OGDH: variants seen among roughly 807,000 people sequenced by gnomAD.
OGDH encodes the protein 2-oxoglutarate dehydrogenase complex component E1.
In OGDH, 38 loss-of-function variants were observed where a neutral mutation model predicts 116.6. The observed-to-expected ratio is 0.33, with a 90% confidence interval of 0.25 to 0.43. The LOEUF is 0.43. Ranked by LOEUF, OGDH falls within the 20% of genes least tolerant of loss-of-function variation. The probability of loss-of-function intolerance (pLI) is 1.00; values close to 1 mark genes in which losing one functional copy is unlikely to be tolerated. For synonymous variants in OGDH, 488 were observed against 533.3 expected (o/e 0.92, Z 1.17); for missense variants, 825 against 1,357.2 (o/e 0.61, Z 6.16).
At chr7:44,611,182 C>G (rs971571280) in intron 1 of OGDH, among the ~76,000 whole-genome samples, 3 of 151,080 alleles carry the variant, frequency 2.0e-5, no homozygotes, top group Admixed American at 2.0e-4. Context: ...CTCAGGTGAT[C>G]CGGTGATCCT....
chr7:44,697,234 G>A lies in OGDH; in HGVS notation c.2052-136G>A. 1 of 1,458,106 alleles carries A rather than the reference G, an allele frequency of 6.9e-7. No homozygotes were observed. The highest frequency in any genetic ancestry group is 9.4e-7 in the Non-Finnish European group (1 of 1,068,788). 90.3% of individuals were successfully genotyped at this position (1,458,106 alleles called of 1,614,324 possible). A position where few individuals can be genotyped will look rare whatever the true frequency, so the allele number is the denominator to read the frequency against. ...TGGGTGCTTCTGTTAAGACCTGGGT[G>A]GGGCCGACCCTGCAGCTGCCTGGCC... On this transcript the variant is annotated intron_variant, in intron 15 of 22. Transcript: ENST00000222673. The surrounding 1 kb of genome is among the most constrained non-coding windows in gnomAD (Gnocchi z 6.0).
At chr7:44,676,213 C>T (rs772781641) in intron 9 of OGDH, 64 bp downstream of exon 9, 29 of 1,613,434 alleles carry the variant, frequency 1.8e-5, no homozygotes, top group South Asian at 6.6e-5. Flanking sequence ...CATGGAGTTC[C>T]GCTCACCAAC....
chr7:44,702,363 G>A (rs1788871390), intron 20 of OGDH, among the ~76,000 whole-genome samples: 1 of 152,148 alleles, frequency 6.6e-6, no homozygotes, highest in African/African-American at 2.4e-5. Flanking sequence ...GTCCTGCCAA[G>A]TCACATGCCA....
At chr7:44,674,650 C>G in intron 7 of OGDH, 93 bp downstream of exon 7, 1 of 1,403,624 alleles carries the variant, frequency 7.1e-7, no homozygotes, top group Non-Finnish European at 9.9e-7. Flanking sequence ...GCAGCTGTTT[C>G]CTCCTTGAGT....
intron 2 of OGDH, among the ~76,000 whole-genome samples, chr7:44,625,154 T>G (rs1245915434): frequency 6.6e-6 from 1 of 152,188 alleles, no homozygotes. Context: ...TCAGACAGAG[T>G]CCCACTGTTG....
chr7:44,678,823 T>TG (rs1787807788), intron 9 of OGDH, among the ~76,000 whole-genome samples: 1 of 152,218 alleles, frequency 6.6e-6, no homozygotes, highest in Non-Finnish European at 1.5e-5. Flanking sequence ...CTCAGGGAGC[T>TG]GGAGTGTGTG....
Position 44,697,545 on chromosome 7 carries a change from C to A in OGDH, c.2179+48C>A, listed in dbSNP as rs376134596. The A allele has an allele frequency of 6.2e-7, 1 of 1,613,676 alleles. No individual in the cohort carries two copies. The highest frequency in any genetic ancestry group is 8.5e-7 in the Non-Finnish European group (1 of 1,179,660). ...CCAGGGCCTGTCACCCACCCACCCC[C>A]GCTGGGCCTACTGGCTGGTGTCCTG... On this transcript the variant is annotated intron_variant, in intron 16 of 22. Transcript: ENST00000222673. This position sits in a 1 kb window ranked among gnomAD's most constrained non-coding sequence, Gnocchi z 6.0.
chr7:44,640,088 C>T (rs1411450774), intron 2 of OGDH, among the ~76,000 whole-genome samples: 1 of 152,180 alleles, frequency 6.6e-6, no homozygotes, highest in Non-Finnish European at 1.5e-5. Context: ...CTTTGTGGCT[C>T]AGGACCAGAG....
intron 2 of OGDH, 86 bp from the exon 3 acceptor site, chr7:44,645,241 C>G (rs938539827): frequency 3.2e-6 from 4 of 1,256,960 alleles, no homozygotes; most frequent in Non-Finnish European, 4.5e-6. Context: ...ACTTGCCTTG[C>G]CTGCAGAGAG....
chr7:44,708,408 C>T lies in OGDH; in HGVS notation c.*409C>T, dbSNP rs1789179717. 1 of 161,834 alleles carries T rather than the reference C, an allele frequency of 6.2e-6. No homozygotes were observed. The highest frequency in any genetic ancestry group is 2.4e-5 in the African/African-American group (1 of 41,674). 10.0% of individuals were successfully genotyped at this position (161,834 alleles called of 1,614,324 possible). A position where few individuals can be genotyped will look rare whatever the true frequency, so the allele number is the denominator to read the frequency against. On this transcript the variant is annotated 3_prime_UTR_variant, in exon 23 of 23. Transcript: ENST00000222673. Reference sequence around the variant, plus strand: ...GCTCCTGTATTTGAGACTAGGATAGCTTCATCTTGAGCCTGAGCCTTAGAA... The same window carrying T: ...GCTCCTGTATTTGAGACTAGGATAGTTTCATCTTGAGCCTGAGCCTTAGAA...
chr7:44,690,061 G>A (rs1029766526), intron 10 of OGDH, among the ~76,000 whole-genome samples: 5 of 152,142 alleles, frequency 3.3e-5, no homozygotes, highest in African/African-American at 7.2e-5. Context: ...AAGGAGTCCC[G>A]CTTCATTCTT....
chr7:44,636,622 A>G (rs543248122), intron 2 of OGDH, among the ~76,000 whole-genome samples: 19 of 152,318 alleles, frequency 1.2e-4, no homozygotes, highest in African/African-American at 4.6e-4. Flanking sequence ...AGCACTGAGG[A>G]TACTGTTTCT....
At chr7:44,607,534 A>G (rs761315457) in intron 1 of OGDH, among the ~76,000 whole-genome samples, 1 of 152,146 alleles carries the variant, frequency 6.6e-6, no homozygotes, top group Admixed American at 6.5e-5. Context: ...TGGGTTTAGG[A>G]TGGGTGGCAT....
rs375622750 is a variant in OGDH, at chr7:44,653,134, C to T, written c.517+5375C>T. Among the ~76,000 whole-genome samples, 3 of 151,992 alleles carry T rather than the reference C, an allele frequency of 2.0e-5. No homozygotes were observed. In the East Asian group the frequency reaches 5.8e-4, roughly 29 times the overall value. ...TTTGAGACAGAGTCTTACTCTGTCGCCCAGGCTGGAGTGCAGTGGTGCAAT... is the reference window on the plus strand; with the variant it reads ...TTTGAGACAGAGTCTTACTCTGTCGTCCAGGCTGGAGTGCAGTGGTGCAAT... On this transcript the variant is annotated intron_variant, in intron 4 of 22. Coordinates refer to ENST00000222673, the MANE Select transcript of OGDH (RefSeq NM_002541.4).
intron 4 of OGDH, among the ~76,000 whole-genome samples, chr7:44,666,303 T>G (rs145338350): frequency 6.6e-6 from 1 of 152,324 alleles, no homozygotes; most frequent in Non-Finnish European, 1.5e-5. Flanking sequence ...TATGATCTGT[T>G]CTTCTATATC....
chr7:44,615,143 G>A (rs1237429354), intron 1 of OGDH, among the ~76,000 whole-genome samples: 1 of 152,146 alleles, frequency 6.6e-6, no homozygotes, highest in Non-Finnish European at 1.5e-5. Context: ...GATTATCCTG[G>A]CCCTTGGTGT....
chr7:44,655,328 A>C (rs749801144), intron 4 of OGDH, among the ~76,000 whole-genome samples: 2 of 152,262 alleles, frequency 1.3e-5, no homozygotes, highest in South Asian at 2.1e-4. Flanking sequence ...TGTTGTCTTA[A>C]GAGCCACTTG....
At chr7:44,620,584 C>A (rs2117271352) in intron 1 of OGDH, among the ~76,000 whole-genome samples, 1 of 152,318 alleles carries the variant, frequency 6.6e-6, no homozygotes, top group Non-Finnish European at 1.5e-5. Flanking sequence ...GTTGAAAAGA[C>A]TGTTCTTTTC....
rs1235408937 is a variant in OGDH at position 44,707,251 on chromosome 7, G to A, written c.2659G>A (p.Glu887Lys). 1 of 1,614,248 alleles carries A rather than the reference G, an allele frequency of 6.2e-7. No homozygotes were observed. The highest frequency in any genetic ancestry group is 8.5e-7 in the Non-Finnish European group (1 of 1,180,048). ...PGTHFQRVIP[E>K]DGPAAQNPEN... The stretch of plus-strand genomic sequence containing the variant: ...AACCCACTTCCAGCGGGTGATCCCA[G>A]AAGATGGCCCTGCAGCTCAGAACCC... The change falls in exon 21 of 23, where the codon GAA becomes AAA. Residue 887 changes from glutamate (E) to lysine (K), a missense_variant. This residue lies in a region of OGDH where 212 missense variants were observed against 284.3 expected (regional missense o/e 0.75). Coordinates refer to ENST00000222673, the MANE Select transcript of OGDH (RefSeq NM_002541.4). The surrounding 1 kb of genome is among the most constrained non-coding windows in gnomAD (Gnocchi z 5.2).
Sources: gnomAD v4.1 joint callset for allele counts (sites outside exome capture counted in the v4.1 genomes callset) on GRCh38, gnomAD v4.1.1 for gene constraint, gnomAD v4.1.1 regional missense constraint, Gnocchi (gnomAD v3.1) non-coding constraint, MANE v1.5 for transcripts, NCBI Gene and HGNC (gene_info 2026-07-23, HGNC 2026-07-21) for gene names.